The following RARB variants were observed in gnomAD, a reference collection of about 807,000 sequenced individuals.
The protein encoded by RARB is HBV-activated protein.
RARB carries 17 observed loss-of-function variants against 51.9 expected under a neutral mutation model. The observed-to-expected ratio is 0.33, with a 90% CI of 0.22 to 0.49. The LOEUF is 0.49. Ranked by LOEUF, RARB falls within the 20% of genes least tolerant of loss-of-function variation. The pLI is 0.99. For synonymous variants in RARB, 215 were observed against 195.4 expected (o/e 1.10, Z -0.84); for missense variants, 369 against 550.8 (o/e 0.67, Z 3.30).
chr3:25,442,497 TAAAC>T (rs1449849795), intron 1 of RARB, among the ~76,000 whole-genome samples: 1 of 152,246 alleles, frequency 6.6e-6, no homozygotes, highest in African/African-American at 2.4e-5. Flanking sequence ...GCTACTGTAT[TAAAC>T]AATTCACTTC....
At chr3:25,037,194 C>T (rs1392284315) in intron 2 of RARB, among the ~76,000 whole-genome samples, 1 of 151,408 alleles carries the variant, frequency 6.6e-6, no homozygotes, top group Non-Finnish European at 1.5e-5. Context: ...TTGTATCGTG[C>T]ACATCTGGAA....
At chr3:25,591,386 A>G (rs901908282) in intron 5 of RARB, among the ~76,000 whole-genome samples, 2 of 152,200 alleles carry the variant, frequency 1.3e-5, no homozygotes, top group Non-Finnish European at 2.9e-5. Context: ...GTGCTGCACA[A>G]AAGTGCCCAG....
Position 25,351,730 on chromosome 3 carries a change from T to C in RARB, c.179-109463T>C, listed in dbSNP as rs568983688. 2.0e-5 allele frequency among the ~76,000 whole-genome samples: 3 copies of C among 152,284 alleles called. No individual in the cohort carries two copies. The East Asian group carries it at 5.8e-4, about 29-fold the overall frequency. On this transcript the variant is annotated intron_variant, in intron 5 of 11. Coordinates refer to the RARB transcript ENST00000383772. ...TATTTTCCTCCATGTCTTTTTGTTTTCCCTTGTTCCATCCCCATCCTCACC... is the reference window on the plus strand; with the variant it reads ...TATTTTCCTCCATGTCTTTTTGTTTCCCCTTGTTCCATCCCCATCCTCACC...
At chr3:25,066,936 A>T (rs1048121496) in intron 3 of RARB, among the ~76,000 whole-genome samples, 21 of 152,100 alleles carry the variant, frequency 1.4e-4, no homozygotes, top group African/African-American at 4.8e-4. Context: ...CCTTATGTGG[A>T]GTGGTACTGG....
chr3:25,029,280 A>G (rs1254591404), intron 2 of RARB, among the ~76,000 whole-genome samples: 1 of 152,196 alleles, frequency 6.6e-6, no homozygotes, highest in Non-Finnish European at 1.5e-5. Flanking sequence ...TGCTGCTAAC[A>G]TCCTTCTAAC....
At chr3:25,059,778 C>T (rs1311556487) in intron 2 of RARB, among the ~76,000 whole-genome samples, 3 of 151,536 alleles carry the variant, frequency 2.0e-5, no homozygotes, top group Non-Finnish European at 4.4e-5. Flanking sequence ...AAAATCAGGG[C>T]CGAGGATTCT....
At chr3:25,182,611 C>G (rs1575202033) in intron 5 of RARB, among the ~76,000 whole-genome samples, 2 of 152,154 alleles carry the variant, frequency 1.3e-5, no homozygotes, top group Admixed American at 6.5e-5. Flanking sequence ...ACCTCAGAAG[C>G]TCTGTGAGAA....
chr3:25,228,327 C>G (rs1702104040), intron 5 of RARB, among the ~76,000 whole-genome samples: 1 of 148,932 alleles, frequency 6.7e-6, no homozygotes, highest in Middle Eastern at 3.4e-3. Flanking sequence ...TTTAGTTTCC[C>G]TTTGCATTTA....
At chr3:25,233,681 T>C (rs1405763690) in intron 5 of RARB, among the ~76,000 whole-genome samples, 1 of 151,236 alleles carries the variant, frequency 6.6e-6, no homozygotes, top group Non-Finnish European at 1.5e-5. Context: ...GCTATAGGGG[T>C]GTTGTTGTTG....
chr3:25,353,893 T>G (rs903043526), intron 5 of RARB, among the ~76,000 whole-genome samples: 1 of 152,086 alleles, frequency 6.6e-6, no homozygotes, highest in African/African-American at 2.4e-5. Flanking sequence ...AAATGCTTTC[T>G]AAGGAGAGAG....
At chr3:25,369,648 C>G (rs543314503) in intron 5 of RARB, among the ~76,000 whole-genome samples, 1 of 152,146 alleles carries the variant, frequency 6.6e-6, no homozygotes, top group African/African-American at 2.4e-5. Flanking sequence ...CATGGCCAGG[C>G]GCGGTGGCTC....
At chr3:24,880,613 C>G (rs1280665019) in intron 2 of RARB, among the ~76,000 whole-genome samples, 2 of 152,004 alleles carry the variant, frequency 1.3e-5, no homozygotes, top group East Asian at 1.9e-4. Context: ...CCCTAAAATC[C>G]TAGAAGGGAC....
At chr3:25,119,034 C>T (rs1192846634) in intron 3 of RARB, among the ~76,000 whole-genome samples, 3 of 152,028 alleles carry the variant, frequency 2.0e-5, no homozygotes, top group Admixed American at 6.6e-5. Context: ...TTTAAAGTTT[C>T]CATTAAAATT....
At chr3:25,162,005 G>A (rs1231336725) in intron 4 of RARB, among the ~76,000 whole-genome samples, 2 of 152,226 alleles carry the variant, frequency 1.3e-5, no homozygotes, top group Admixed American at 6.5e-5. Context: ...CACACCTTGG[G>A]CATGTATCAG....
chr3:25,354,846 G>T (rs4681050), intron 5 of RARB, among the ~76,000 whole-genome samples: 152,150 of 152,150 alleles, frequency 1, 76,075 homozygotes, highest in Non-Finnish European at 1. Flanking sequence ...CTGGGAAAAG[G>T]AGGAATTTTG....
chr3:25,038,606 C>T (rs1050406333), intron 2 of RARB, among the ~76,000 whole-genome samples: 2 of 152,094 alleles, frequency 1.3e-5, no homozygotes, highest in African/African-American at 2.4e-5. Context: ...CATAAAAGTG[C>T]AATTTAGCAC....
rs57081618 is a variant in RARB, at chr3:25,494,253, G to GCACACACACACACACACACA, written c.307-6922_307-6903dup. ...GCCCCCTTTTCCAGCTGTATCTTAC[G>GCACACACACACACACACACA]CACACACACACACACACACACACAC... On this transcript the variant is annotated intron_variant, in intron 2 of 7. Transcript: ENST00000330688. Among the ~76,000 whole-genome samples, 52 of 131,966 alleles carry GCACACACACACACACACACA rather than the reference G, an allele frequency of 3.9e-4. 1 individual carries two copies. The highest frequency in any genetic ancestry group is 6.9e-4 in the South Asian group (3 of 4,368). The allele number at this position is 131,966 out of a possible 152,430, so 86.6% of individuals were successfully genotyped here. A position where few individuals can be genotyped will look rare whatever the true frequency, so the allele number is the denominator to read the frequency against.
chr3:25,085,219 G>GA (rs1699083717), intron 3 of RARB, among the ~76,000 whole-genome samples: 1 of 152,132 alleles, frequency 6.6e-6, no homozygotes, highest in Non-Finnish European at 1.5e-5. Flanking sequence ...TTCAAAATAT[G>GA]AAAATAGAAT....
At chr3:25,294,809 A>G (rs76157493) in intron 5 of RARB, among the ~76,000 whole-genome samples, 5,736 of 152,244 alleles carry the variant, frequency 0.038, 147 homozygotes, top group Middle Eastern at 0.068. Context: ...GAGAGGAGGA[A>G]GAGGGAGTGG....
Sources: gnomAD v4.1 joint callset for allele counts (sites outside exome capture counted in the v4.1 genomes callset) on GRCh38, gnomAD v4.1.1 for gene constraint, MANE v1.5 for transcripts, NCBI Gene and HGNC (gene_info 2026-07-23, HGNC 2026-07-21) for gene names.